ZNF774: variants seen among roughly 807,000 people sequenced by gnomAD.
ZNF774 encodes the protein zinc finger protein 774.
ZNF774 carries 14 observed loss-of-function variants against 11.1 expected under a neutral mutation model. The observed-to-expected ratio is 1.26, with a 90% CI of 0.83 to 1.97. ZNF774 has a LOEUF of 1.97. Among genes scored for constraint, ZNF774 ranks in the 30% most tolerant of loss-of-function variants. The probability of loss-of-function intolerance (pLI) is 0.00; values close to 1 mark genes in which losing one functional copy is unlikely to be tolerated. For synonymous variants in ZNF774, 195 were observed against 212.6 expected (o/e 0.92, Z 0.72); for missense variants, 599 against 587.0 (o/e 1.02, Z -0.21).
chr15:90,359,908 C>T (rs1964301552), intron 3 of ZNF774, 135 bp from the exon 4 acceptor site: 1 of 1,006,890 alleles, frequency 9.9e-7, no homozygotes, highest in African/African-American at 1.6e-5. Flanking sequence ...AAACTTTTCA[C>T]AAAGTGAAAA....
rs372796050 is a variant in ZNF774, at chr15:90,354,782, C to A, written c.104+18C>A. 4.4e-6 allele frequency: 7 copies of A among 1,576,390 alleles called. No individual in the cohort carries two copies. Among genetic ancestry groups the A allele is most frequent in the Non-Finnish European group, 5.2e-6 (6 of 1,150,336 alleles). On this transcript the variant is annotated intron_variant, in intron 2 of 3. Coordinates refer to ENST00000354377, the MANE Select transcript of ZNF774 (RefSeq NM_001004309.3). ...CTCAAAGGGTAAGAATGCTACTCTC[C>A]TTTATTTCATTTATTTATCTTGTTT...
At chr15:90,355,594 G>A (rs890287108) in intron 2 of ZNF774, among the ~76,000 whole-genome samples, 9 of 151,750 alleles carry the variant, frequency 5.9e-5, no homozygotes, top group African/African-American at 1.7e-4. Context: ...GTGATAGCGG[G>A]CGCCTGTAAT....
At chr15:90,354,072 T>A (rs1555431575) in intron 1 of ZNF774, among the ~76,000 whole-genome samples, 1 of 138,338 alleles carries the variant, frequency 7.2e-6, no homozygotes, top group Non-Finnish European at 1.5e-5. Flanking sequence ...GTCTTCTTTT[T>A]TTTAAAAAAA....
intron 1 of ZNF774, 28 bp from the exon 2 acceptor site, chr15:90,354,614 T>C (rs1964218193): frequency 2.1e-6 from 3 of 1,430,660 alleles, no homozygotes; most frequent in Non-Finnish European, 2.9e-6. Context: ...AGGGAGCTAC[T>C]GATGCACATT....
rs779886527 is a variant in ZNF774 at position 90,360,399 on chromosome 15, CA to C, written c.569del (p.Gln190ArgfsTer62). On this transcript the variant is annotated frameshift_variant, in exon 4 of 4. Coordinates refer to ENST00000354377, the MANE Select transcript of ZNF774 (RefSeq NM_001004309.3). LOFTEE classifies it low-confidence loss of function (END_TRUNC). The stretch of plus-strand genomic sequence containing the variant: ...CATTGAGTGTGGGAAAGGCTTCAAA[CA>C]GAGCTCAGACCTTGTCACCCATCGC... ...TCIECGKGFK[Q>X]SSDLVTHRRT... The C allele has an allele frequency of 6.2e-7, 1 of 1,614,002 alleles. No individual in the cohort carries two copies. Among genetic ancestry groups the C allele is most frequent in the East Asian group, 2.2e-5 (1 of 44,870 alleles).
At chr15:90,354,615 G>C in intron 1 of ZNF774, 27 bp from the exon 2 acceptor site, 1 of 1,438,576 alleles carries the variant, frequency 7.0e-7, no homozygotes, top group Non-Finnish European at 9.6e-7. Flanking sequence ...GGGAGCTACT[G>C]ATGCACATTG....
Position 90,360,347 on chromosome 15 carries a change from C to A in ZNF774, c.516C>A (p.Thr172=). ...QSSYLIRHLR[T]HTGERPYTCI... is the part of the protein sequence containing the mutation. ...CCTATCTCATAAGACACCTAAGAAC[C>A]CACACTGGCGAGAGGCCCTATACGT... The change falls in exon 4 of 4, where the codon ACC becomes ACA. Residue 172 remains threonine, a synonymous_variant. Transcript: ENST00000354377. 1 of 1,614,190 alleles carries A rather than the reference C, an allele frequency of 6.2e-7. No individual in the cohort carries two copies. The highest frequency in any genetic ancestry group is 2.2e-5 in the East Asian group (1 of 44,894).
chr15:90,355,098 C>T (rs772466911), intron 2 of ZNF774, among the ~76,000 whole-genome samples: 8 of 152,112 alleles, frequency 5.3e-5, no homozygotes, highest in Non-Finnish European at 7.4e-5. Context: ...GGATTATGGG[C>T]GCCACCATGC....
intron 2 of ZNF774, among the ~76,000 whole-genome samples, chr15:90,356,000 C>T (rs1264071509): frequency 2.1e-5 from 3 of 141,224 alleles, no homozygotes; most frequent in Admixed American, 7.1e-5. Context: ...TGCACTCCAT[C>T]CTGGGCGACA....
intron 2 of ZNF774, chr15:90,355,550 C>G (rs928725123): frequency 1.5e-5 from 6 of 394,518 alleles, no homozygotes; most frequent in African/African-American, 2.1e-5. Flanking sequence ...TGATGAAACC[C>G]TGTCTCTACT....
At chr15:90,359,931 A>G (rs1047572864) in intron 3 of ZNF774, 112 bp from the exon 4 acceptor site, 1 of 1,214,252 alleles carries the variant, frequency 8.2e-7, no homozygotes, top group Non-Finnish European at 1.1e-6. Flanking sequence ...GAGCGGTTGA[A>G]TTAAGTGCAG....
In ZNF774 at chr15:90,361,626, G is replaced by A. The variant is rs7171617; in HGVS notation, c.*343G>A. 136,447 of 688,412 alleles carry A rather than the reference G, an allele frequency of 0.2. 15,734 individuals are homozygous for A. The highest frequency in any genetic ancestry group is 0.43 in the African/African-American group (22,623 of 52,084). 42.6% of individuals were successfully genotyped at this position (688,412 alleles called of 1,614,324 possible). A position where few individuals can be genotyped will look rare whatever the true frequency, so the allele number is the denominator to read the frequency against. On this transcript the variant is annotated 3_prime_UTR_variant, in exon 4 of 4. Transcript: ENST00000354377. ...TCAGGAGTTGAGACCAGCCTGGTGA[G>A]CATGGTGAAACCTCATCTCTACTAA...
At position 90,360,699 on chromosome 15, in the gene ZNF774, C is replaced by A. The variant is rs754065755; in HGVS notation, c.868C>A (p.Pro290Thr). 3.7e-6 allele frequency: 6 copies of A among 1,614,198 alleles called. No homozygotes were observed. Among genetic ancestry groups the A allele is most frequent in the Non-Finnish European group, 5.1e-6 (6 of 1,180,044 alleles). Residue 290 changes from proline to threonine, a missense_variant, in exon 4 of 4, where the codon CCT becomes ACT. Coordinates refer to ENST00000354377, the MANE Select transcript of ZNF774 (RefSeq NM_001004309.3). The stretch of plus-strand genomic sequence containing the variant: ...CCAGAGGACCCACACAGGGGTGAAG[C>A]CTTACAGGTGTAATGACTGTGGGGA... Reference protein sequence around the residue: ...THQRTHTGVKPYRCNDCGESF... With the variant: ...THQRTHTGVKTYRCNDCGESF...
At chr15:90,354,422 G>A (rs1335576812) in intron 1 of ZNF774, among the ~76,000 whole-genome samples, 1 of 152,196 alleles carries the variant, frequency 6.6e-6, no homozygotes, top group African/African-American at 2.4e-5. Flanking sequence ...TGTTTGGGAG[G>A]CCTAGGCCTC....
chr15:90,358,546 T>A (rs1204840648), intron 2 of ZNF774, among the ~76,000 whole-genome samples: 1 of 152,220 alleles, frequency 6.6e-6, no homozygotes, highest in Non-Finnish European at 1.5e-5. Context: ...TCTGATAAAA[T>A]CCTCTCCATA....
At chr15:90,355,513 A>T (rs1964231705) in intron 2 of ZNF774, 1 of 446,694 alleles carries the variant, frequency 2.2e-6, no homozygotes, top group Non-Finnish European at 4.5e-6. Flanking sequence ...TCATAAGGTC[A>T]GGAGTTCGAG....
chr15:90,357,627 A>C (rs1008139141), intron 2 of ZNF774, among the ~76,000 whole-genome samples: 1 of 152,240 alleles, frequency 6.6e-6, no homozygotes, highest in Non-Finnish European at 1.5e-5. Context: ...GCTGGAATGC[A>C]GTGGTGCAAT....
chr15:90,356,052 AAC>A (rs1247377068), intron 2 of ZNF774, among the ~76,000 whole-genome samples: 1 of 148,858 alleles, frequency 6.7e-6, no homozygotes, highest in Admixed American at 6.7e-5. Context: ...AAATAAAAAA[AAC>A]CAAAAACACC....
In ZNF774 at chr15:90,362,746, AATACAC is replaced by A. The variant is rs952635098; in HGVS notation, c.*1465_*1470del. The A allele has an allele frequency of 2.5e-5, 14 of 570,594 alleles. No homozygotes were observed. The African/African-American group carries it at 4.5e-4, about 18-fold the overall frequency. 35.3% of individuals were successfully genotyped at this position (570,594 alleles called of 1,614,324 possible). On this transcript the variant is annotated 3_prime_UTR_variant, in exon 4 of 4. Transcript: ENST00000354377. ...CACAAGGTTGTTGTGAGGATCTAAA[AATACAC>A]ACACACACACACACACACACACACA... is the stretch of plus-strand genomic sequence containing the variant.
Sources: gnomAD v4.1 joint callset for allele counts (sites outside exome capture counted in the v4.1 genomes callset) on GRCh38, gnomAD v4.1.1 for gene constraint, MANE v1.5 for transcripts, NCBI Gene and HGNC (gene_info 2026-07-23, HGNC 2026-07-21) for gene names.